Variants in ROBO3 observed in about 807,000 individuals in gnomAD.
The protein encoded by ROBO3 is roundabout guidance receptor 3, also known as roundabout homolog 3.
Under a neutral mutation model 160.5 loss-of-function variants are expected in ROBO3, and 97 were observed. The ratio of observed to expected loss-of-function variants is 0.60; its 90% CI spans 0.51 to 0.72. The LOEUF (loss-of-function observed/expected upper bound fraction) is 0.72, where lower values mean the gene tolerates loss of function less well. Ranked by LOEUF, ROBO3 falls within the 30% of genes least tolerant of loss-of-function variation. The pLI is 0.00. For missense variants in ROBO3, 1,858 were observed against 1,846.5 expected (o/e 1.01, Z -0.11); for synonymous variants, 780 against 746.2 (o/e 1.05, Z -0.74).
At position 124,879,279 on chromosome 11, in the gene ROBO3, G is replaced by A. The variant is rs1021685268; in HGVS notation, c.3623G>A (p.Gly1208Asp). 3 of 1,592,136 alleles carry A rather than the reference G, an allele frequency of 1.9e-6. No homozygotes were observed. In the African/African-American group the frequency reaches 4.0e-5, roughly 21 times the overall value. The change falls in exon 24 of 28, where the codon GGC becomes GAC. Residue 1208 changes from glycine to aspartate, a missense_variant. Physicochemically the swap from Gly to Asp is moderately conservative, Grantham distance 94. Transcript: ENST00000397801. ...REARPAGLGA[G>D]PAASPHLSPS... ...GCGAGGCCTGCTGGCTTGGGTGCTGGCCCTGCAGCCTCACCCCACCTCAGC... is the reference window on the plus strand; with the variant it reads ...GCGAGGCCTGCTGGCTTGGGTGCTGACCCTGCAGCCTCACCCCACCTCAGC...
rs1354924851 is a variant in ROBO3, at chr11:124,879,289, C to G, written c.3633C>G (p.Ala1211=). The change falls in exon 24 of 28, where the codon GCC becomes GCG. Residue 1211 remains alanine, a synonymous_variant. Transcript: ENST00000397801. ...CTGGCTTGGGTGCTGGCCCTGCAGC[C>G]TCACCCCACCTCAGCCCCAGTCCTG... ...RPAGLGAGPA[A]SPHLSPSPAP... is the part of the protein sequence containing the mutation. The G allele has an allele frequency of 6.2e-7, 1 of 1,600,256 alleles. No homozygotes were observed. The highest frequency in any genetic ancestry group is 1.7e-5 in the Admixed American group (1 of 58,326).
At position 124,869,599 on chromosome 11, in the gene ROBO3, AG is replaced by A. The variant is rs1565309279; in HGVS notation, c.639del (p.Ile214SerfsTer8). 6.4e-7 allele frequency: 1 copy of A among 1,572,954 alleles called. No individual in the cohort carries two copies. Among genetic ancestry groups the A allele is most frequent in the Non-Finnish European group, 8.6e-7 (1 of 1,157,918 alleles). On this transcript the variant is annotated frameshift_variant, in exon 3 of 28. Coordinates refer to ENST00000397801, the MANE Select transcript of ROBO3 (RefSeq NM_022370.4). LOFTEE classifies it high-confidence loss of function. The surrounding 1 kb of genome is among the most constrained non-coding windows in gnomAD (Gnocchi z 4.2). Reference protein sequence around the residue: ...DGARLKEEEGRITIRGGKLMM... With the variant: ...DGARLKEEEGXITIRGGKLMM... ...TGCAAGACTCAAGGAAGAGGAAGGAAGGATCACGGTGAGGGCGGGATTATGA... is the reference window on the plus strand; with the variant it reads ...TGCAAGACTCAAGGAAGAGGAAGGAAGATCACGGTGAGGGCGGGATTATGA...
In ROBO3 at chr11:124,878,157, G is replaced by A; in HGVS notation, c.3181+26G>A. The A allele has an allele frequency of 6.3e-7, 1 of 1,585,808 alleles. No individual in the cohort carries two copies. Among genetic ancestry groups the A allele is most frequent in the Non-Finnish European group, 8.6e-7 (1 of 1,165,700 alleles). ...GTATGACTCCAACTCCTGAAACCCCGTTTAGCCCTGACCAGGGTATCCCCA... is the reference window on the plus strand; with the variant it reads ...GTATGACTCCAACTCCTGAAACCCCATTTAGCCCTGACCAGGGTATCCCCA... On this transcript the variant is annotated intron_variant, in intron 21 of 27. Transcript: ENST00000397801. This position sits in a 1 kb window ranked among gnomAD's most constrained non-coding sequence, Gnocchi z 4.3.
chr11:124,868,644 A>G (rs1946235207), intron 1 of ROBO3, 158 bp from the exon 2 acceptor site: 2 of 786,564 alleles, frequency 2.5e-6, no homozygotes, highest in Non-Finnish European at 4.3e-6. Context: ...ATAAGGACAT[A>G]TTGGATCCTG....
Position 124,869,173 on chromosome 11 carries a change from G to T in ROBO3, c.487+45G>T, listed in dbSNP as rs1271039856. Reference sequence around the variant, plus strand: ...CAGCTGGTTGCTTCCAGAGCCTGGGGTAGGCGGGAGGGCACTGGGCAATCA... The same window carrying T: ...CAGCTGGTTGCTTCCAGAGCCTGGGTTAGGCGGGAGGGCACTGGGCAATCA... On this transcript the variant is annotated intron_variant, in intron 2 of 27. Transcript: ENST00000397801. This position sits in a 1 kb window ranked among gnomAD's most constrained non-coding sequence, Gnocchi z 4.2. 6.7e-7 allele frequency: 1 copy of T among 1,491,942 alleles called. No individual in the cohort carries two copies. Among genetic ancestry groups the T allele is most frequent in the Non-Finnish European group, 9.0e-7 (1 of 1,113,266 alleles). The allele number at this position is 1,491,942 out of a possible 1,614,324, so 92.4% of individuals were successfully genotyped here.
In ROBO3 at chr11:124,880,016, T is replaced by G. The variant is rs369556206; in HGVS notation, c.3958+68T>G. 64 of 1,428,370 alleles carry G rather than the reference T, an allele frequency of 4.5e-5. No homozygotes were observed. In the Middle Eastern group the frequency reaches 1.3e-3, roughly 28 times the overall value. The allele number at this position is 1,428,370 out of a possible 1,614,324, so 88.5% of individuals were successfully genotyped here. A position where few individuals can be genotyped will look rare whatever the true frequency, so the allele number is the denominator to read the frequency against. The stretch of plus-strand genomic sequence containing the variant: ...GACTGTGGGCTTTGGGACTGGGGGC[T>G]GATAGTAGACCAGCTCAGCCCTCCC... On this transcript the variant is annotated intron_variant, in intron 26 of 27. Coordinates refer to ENST00000397801, the MANE Select transcript of ROBO3 (RefSeq NM_022370.4).
At chr11:124,875,850 G>T (rs1946352947) in intron 15 of ROBO3, 104 bp from the exon 16 acceptor site, 2 of 1,466,104 alleles carry the variant, frequency 1.4e-6, no homozygotes, top group South Asian at 1.2e-5. Flanking sequence ...TTTCCAGGTT[G>T]AATTACATCT....
In ROBO3 at chr11:124,878,404, C is replaced by G; in HGVS notation, c.3288C>G (p.Cys1096Trp). 1 of 1,613,914 alleles carries G rather than the reference C, an allele frequency of 6.2e-7. No homozygotes were observed. Among genetic ancestry groups the G allele is most frequent in the Non-Finnish European group, 8.5e-7 (1 of 1,179,866 alleles). ...CTCCTCCTTCTTGTGAACTGAGCTG[C>G]CTAGAAGGGCCGGAGGAGGAGCTGG... The part of the protein sequence containing the change: ...PPPPPSCELS[C>W]LEGPEEELEG... The change falls in exon 22 of 28, where the codon TGC becomes TGG. Residue 1096 changes from cysteine (C) to tryptophan (W), a missense_variant. Coordinates refer to ENST00000397801, the MANE Select transcript of ROBO3 (RefSeq NM_022370.4). This position sits in a 1 kb window ranked among gnomAD's most constrained non-coding sequence, Gnocchi z 4.3.
chr11:124,866,797 A>G (rs920839886), intron 1 of ROBO3, among the ~76,000 whole-genome samples: 3 of 152,090 alleles, frequency 2.0e-5, no homozygotes, highest in Admixed American at 1.3e-4. Flanking sequence ...AATTAGGGGG[A>G]AAAGGCCGAC....
chr11:124,870,618 A>C lies in ROBO3; in HGVS notation c.923A>C (p.Asp308Ala). The stretch of plus-strand genomic sequence containing the variant: ...TGGAGCAGGTATGAGATCCGGAGTG[A>C]CCACAGCCTTTGGATTGGGCATGTG... Reference protein sequence around the residue: ...LPTGRYEIRSDHSLWIGHVSA... With the variant: ...LPTGRYEIRSAHSLWIGHVSA... Residue 308 changes from aspartate to alanine, a missense_variant, in exon 6 of 28, where the codon GAC (aspartate) becomes GCC (alanine). Coordinates refer to ENST00000397801, the MANE Select transcript of ROBO3 (RefSeq NM_022370.4). 1 of 1,613,748 alleles carries C rather than the reference A, an allele frequency of 6.2e-7. No individual in the cohort carries two copies. Among genetic ancestry groups the C allele is most frequent in the Non-Finnish European group, 8.5e-7 (1 of 1,179,848 alleles).
At chr11:124,877,896 T>G (rs769471681) in intron 20 of ROBO3, 41 bp from the exon 21 acceptor site, 18 of 1,398,884 alleles carry the variant, frequency 1.3e-5, no homozygotes, top group Non-Finnish European at 1.8e-5. Context: ...TCCTCTATGT[T>G]TCTGTCTCTG....
chr11:124,880,465 C>G lies in ROBO3; in HGVS notation c.4006C>G (p.Gln1336Glu). The G allele has an allele frequency of 6.2e-7, 1 of 1,610,996 alleles. No individual in the cohort carries two copies. The highest frequency in any genetic ancestry group is 8.5e-7 in the Non-Finnish European group (1 of 1,178,752). ...CAGACCAAGCTTCCTGTCCCGGGGC[C>G]AGGGCACCAGCACATGTTCCACGGC... ...YSRPSFLSRGQGTSTCSTAGS... is the reference protein window; with the variant it reads ...YSRPSFLSRGEGTSTCSTAGS... Residue 1336 changes from glutamine (Q) to glutamate (E), a missense_variant, in exon 27 of 28, where the codon CAG (glutamine) becomes GAG (glutamate). By Grantham distance (29) the Gln-to-Glu change is conservative. Coordinates refer to ENST00000397801, the MANE Select transcript of ROBO3 (RefSeq NM_022370.4).
chr11:124,877,526 A>G lies in ROBO3; in HGVS notation c.2854A>G (p.Met952Val), dbSNP rs1309812911. ...GLSGASSRPP[M>V]GLGPAPYSWL... ...TCACCTGCTCTCCCTCAGGCCACCC[A>G]TGGGCCTTGGCCCCGCCCCCTACTC... Residue 952 changes from methionine (M) to valine (V), a missense_variant, in exon 20 of 28, where the codon ATG becomes GTG. By Grantham distance (21) the Met-to-Val change is conservative. Coordinates refer to ENST00000397801, the MANE Select transcript of ROBO3 (RefSeq NM_022370.4). The G allele has an allele frequency of 6.9e-6, 11 of 1,601,264 alleles. No individual in the cohort carries two copies. The highest frequency in any genetic ancestry group is 1.7e-5 in the Admixed American group (1 of 57,984).
intron 1 of ROBO3, among the ~76,000 whole-genome samples, chr11:124,866,104 C>T (rs1270915588): frequency 6.6e-6 from 1 of 152,234 alleles, no homozygotes; most frequent in East Asian, 1.9e-4. Flanking sequence ...CTCCCGCCGG[C>T]CTCGGCCAAG....
rs1194148802 is a variant in ROBO3, at chr11:124,877,226, C to T, written c.2804-41C>T. On this transcript the variant is annotated intron_variant, in intron 18 of 27. Coordinates refer to ENST00000397801, the MANE Select transcript of ROBO3 (RefSeq NM_022370.4). ...CCAGTGGGGTTCAGACCCCCCGGGACGGGCCCTTCTCTCACTCATTCGCCC... is the reference window on the plus strand; with the variant it reads ...CCAGTGGGGTTCAGACCCCCCGGGATGGGCCCTTCTCTCACTCATTCGCCC... 3 of 1,613,958 alleles carry T rather than the reference C, an allele frequency of 1.9e-6. No individual in the cohort carries two copies. The African/African-American group carries it at 4.0e-5, about 22-fold the overall frequency.
chr11:124,877,774 A>C, intron 20 of ROBO3, 116 bp downstream of exon 20: 1 of 1,405,766 alleles, frequency 7.1e-7, no homozygotes, highest in South Asian at 1.3e-5. Flanking sequence ...CCTGGGGAGG[A>C]TGTGAGCTGG....
At chr11:124,879,660 G>C in intron 25 of ROBO3, 85 bp downstream of exon 25, 2 of 1,527,694 alleles carry the variant, frequency 1.3e-6, no homozygotes, top group Admixed American at 3.8e-5. Flanking sequence ...GGGGCTGGAG[G>C]AGGGAACAGG....
At position 124,869,080 on chromosome 11, in the gene ROBO3, A is replaced by G; in HGVS notation, c.439A>G (p.Asn147Asp). The G allele has an allele frequency of 6.3e-7, 1 of 1,596,086 alleles. No homozygotes were observed. The highest frequency in any genetic ancestry group is 8.5e-7 in the Non-Finnish European group (1 of 1,171,294). The change falls in exon 2 of 28, where the codon AAC becomes GAC. Residue 147 changes from asparagine to aspartate, a missense_variant. Transcript: ENST00000397801. The surrounding 1 kb of genome is among the most constrained non-coding windows in gnomAD (Gnocchi z 4.2). ...AGGTGTCTACACTTGCGTGGCTCGC[A>G]ACTACCTGGGGGCAGCAGCGAGCAG... ...DEGVYTCVAR[N>D]YLGAAASRNA...
Position 124,879,958 on chromosome 11 carries a change from G to A in ROBO3, c.3958+10G>A, listed in dbSNP as rs915491790. ...GTGCTCCACCCAGATGGTAAGCAGG[G>A]CCAGGGCAGGCAGGAGGGCTGCTGC... On this transcript the variant is annotated intron_variant, in intron 26 of 27. Transcript: ENST00000397801. 1 of 1,555,580 alleles carries A rather than the reference G, an allele frequency of 6.4e-7. No individual in the cohort carries two copies. The highest frequency in any genetic ancestry group is 8.7e-7 in the Non-Finnish European group (1 of 1,149,414).
Sources: gnomAD v4.1 joint callset for allele counts (sites outside exome capture counted in the v4.1 genomes callset) on GRCh38, gnomAD v4.1.1 for gene constraint, Gnocchi (gnomAD v3.1) non-coding constraint, MANE v1.5 for transcripts, NCBI Gene and HGNC (gene_info 2026-07-23, HGNC 2026-07-21) for gene names.